The following TAF1D variants were observed in gnomAD, a reference collection of about 807,000 sequenced individuals.
TAF1D encodes TATA box-binding protein-associated factor RNA polymerase I subunit D.
TAF1D carries 23 observed loss-of-function variants against 26.2 expected under a neutral mutation model. That is an observed-to-expected ratio of 0.88 (90% CI 0.63 to 1.25). TAF1D has a LOEUF of 1.25. TAF1D is among the 50% of genes most tolerant of loss of function. The probability of loss-of-function intolerance (pLI) is 0.00; values close to 1 mark genes in which losing one functional copy is unlikely to be tolerated. For synonymous variants in TAF1D, 100 were observed against 105.6 expected, an observed-to-expected ratio of 0.95 and a Z score of 0.33; for missense variants, 299 against 322.0, an observed-to-expected ratio of 0.93 and a Z score of 0.55.
downstream of TAF1D, chr11:93,731,916 A>T: frequency 2.4e-6 from 1 of 421,050 alleles, no homozygotes; most frequent in South Asian, 1.7e-5. Context: ...AAGTGGTCCT[A>T]TAAGAGCTGA....
chr11:93,739,061 A>G, intron 2 of TAF1D, 176 bp downstream of exon 2: 2 of 569,168 alleles, frequency 3.5e-6, no homozygotes, highest in Non-Finnish European at 6.1e-6. Flanking sequence ...TCACATTTTG[A>G]ATTTAAAGTA....
chr11:93,730,199 A>G (rs1938254310), exon 12 of TAF1D: 1 of 1,551,300 alleles, frequency 6.4e-7, no homozygotes, highest in Non-Finnish European at 8.7e-7. Flanking sequence ...TGAAGTACAC[A>G]ACTGAAACTC....
chr11:93,738,956 ACAC>A, intron 2 of TAF1D: 1 of 458,024 alleles, frequency 2.2e-6, no homozygotes, highest in Non-Finnish European at 3.9e-6. Context: ...AGTAAAACAA[ACAC>A]AGCCTACCGA....
downstream of TAF1D, chr11:93,730,579 T>C: frequency 3.3e-6 from 2 of 609,302 alleles, no homozygotes; most frequent in Non-Finnish European, 3.1e-6. Context: ...ATAGAGAACT[T>C]CCATCTTTGG....
At chr11:93,739,447 A>G (rs1213039375) in intron 1 of TAF1D, 116 bp from the exon 2 acceptor site, 2 of 605,480 alleles carry the variant, frequency 3.3e-6, no homozygotes, top group African/African-American at 3.7e-5. Context: ...TCATTTACCA[A>G]GGTTAAGCTT....
At chr11:93,733,448 C>CTTT (rs759235665), downstream of TAF1D, 2 of 518,404 alleles carry the variant, frequency 3.9e-6, no homozygotes, top group South Asian at 2.8e-5. Context: ...TAGCAACCGT[C>CTTT]TTTTTCAAAC....
At chr11:93,734,241 T>G (rs754599407), downstream of TAF1D, 24 of 160,010 alleles carry the variant, frequency 1.5e-4, no homozygotes, top group Non-Finnish European at 2.5e-4. Flanking sequence ...AATCAAACTC[T>G]ACATCATTCA....
chr11:93,731,534 C>T (rs1938819195), downstream of TAF1D: 3 of 518,830 alleles, frequency 5.8e-6, no homozygotes, highest in Non-Finnish European at 1.2e-5. Flanking sequence ...CATTCAGCCC[C>T]TTCAGAGCAG....
chr11:93,739,012 G>A, intron 2 of TAF1D: 1 of 538,724 alleles, frequency 1.9e-6, no homozygotes, highest in South Asian at 2.4e-5. Flanking sequence ...ATGACCCAAA[G>A]AATACATTTT....
chr11:93,734,634 C>T (rs772336995), downstream of TAF1D: 2 of 898,574 alleles, frequency 2.2e-6, no homozygotes, highest in Non-Finnish European at 3.2e-6. Flanking sequence ...CCTTTAACTC[C>T]AGACACCATG....
At chr11:93,734,742 T>C (rs906107635), downstream of TAF1D, 5 of 1,285,652 alleles carry the variant, frequency 3.9e-6, no homozygotes, top group Admixed American at 2.3e-5. Context: ...TTCCCTCATA[T>C]CCCATGCTGT....
At chr11:93,736,516 C>T in intron 5 of TAF1D, 178 bp downstream of exon 5, 1 of 1,423,340 alleles carries the variant, frequency 7.0e-7, no homozygotes, top group Non-Finnish European at 9.2e-7. Context: ...GTACTGAAAA[C>T]CCCATGTTCT....
downstream of TAF1D, chr11:93,732,653 A>G (rs1403124620): frequency 2.3e-5 from 7 of 308,716 alleles, no homozygotes; most frequent in Non-Finnish European, 3.3e-5. Flanking sequence ...CTACATTTTA[A>G]GCTACAACTC....
At chr11:93,736,833 G>A in intron 4 of TAF1D, 82 bp from the exon 5 acceptor site, 1 of 1,427,080 alleles carries the variant, frequency 7.0e-7, no homozygotes, top group Non-Finnish European at 9.6e-7. Context: ...AAATATAACT[G>A]AAACTGCAAT....
intron 1 of TAF1D, among the ~76,000 whole-genome samples, chr11:93,740,018 G>GA (rs1328311537): frequency 8.8e-6 from 1 of 113,122 alleles, no homozygotes; most frequent in Non-Finnish European, 2.0e-5. Context: ...AAAGAAAAAA[G>GA]AAAAACAGGT....
downstream of TAF1D, chr11:93,735,191 A>G (rs540265659): frequency 3.7e-6 from 5 of 1,352,006 alleles, no homozygotes; most frequent in Non-Finnish European, 4.9e-6. Flanking sequence ...TTTTGCACCT[A>G]TCTGTAAGTC....
Position 93,736,761 on chromosome 11 carries a change from T to G in TAF1D, c.636-10A>C, listed in dbSNP as rs1240007300. 1.9e-6 allele frequency: 3 copies of G among 1,604,496 alleles called. No individual in the cohort carries two copies. The highest frequency in any genetic ancestry group is 2.2e-5 in the South Asian group (2 of 89,046). The stretch of plus-strand genomic sequence containing the variant: ...ATCCTCATCCTCTGCTCTGTAATAT[T>G]AAAATTTATCATCGAGATGACAGAA... On this transcript the variant is annotated splice_polypyrimidine_tract_variant and intron_variant, in intron 4 of 5. Coordinates refer to ENST00000448108, the MANE Select transcript of TAF1D (RefSeq NM_024116.4).
Position 93,737,125 on chromosome 11 carries a change from C to CA in TAF1D, c.573dup (p.Asp192Ter). On this transcript the variant is annotated frameshift_variant, in exon 4 of 6. Transcript: ENST00000448108. LOFTEE classifies it high-confidence loss of function. ...TCCAAAAATTTGTATCTACGACTGT[C>CA]AAAATCTTCATTTTCTAAATCTTCA... 6.2e-7 allele frequency: 1 copy of CA among 1,612,278 alleles called. No individual in the cohort carries two copies. Among genetic ancestry groups the CA allele is most frequent in the South Asian group, 1.1e-5 (1 of 90,622 alleles).
chr11:93,734,240 C>T (rs1167845033), downstream of TAF1D: 1 of 159,668 alleles, frequency 6.3e-6, no homozygotes, highest in African/African-American at 2.4e-5. Context: ...TAATCAAACT[C>T]TACATCATTC....
Sources: gnomAD v4.1 joint callset for allele counts (sites outside exome capture counted in the v4.1 genomes callset) on GRCh38, gnomAD v4.1.1 for gene constraint, MANE v1.5 for transcripts, NCBI Gene and HGNC (gene_info 2026-07-23, HGNC 2026-07-21) for gene names.